The following EYS variants were observed in gnomAD, a reference collection of about 807,000 sequenced individuals.
The protein encoded by EYS is EGF-like photoreceptor maintenance factor.
Under a neutral mutation model 282.1 loss-of-function variants are expected in EYS, and 250 were observed. The observed-to-expected ratio is 0.89, with a 90% CI of 0.80 to 0.98. EYS has a LOEUF of 0.98. Ranked by LOEUF, EYS falls within the 50% of genes least tolerant of loss-of-function variation. The pLI is 0.00. For synonymous variants in EYS, 1,355 were observed against 1,282.9 expected (o/e 1.06, Z -1.20); for missense variants, 4,016 against 3,709.0 (o/e 1.08, Z -2.15).
chr6:64,588,874 T>C (rs1766312110), intron 26 of EYS, among the ~76,000 whole-genome samples: 3 of 151,868 alleles, frequency 2.0e-5, no homozygotes, highest in Non-Finnish European at 2.9e-5. Flanking sequence ...GATTAGGAGA[T>C]GTAGGTGAGG....
At chr6:65,457,413 C>T in intron 5 of EYS, among the ~76,000 whole-genome samples, 1 of 152,140 alleles carries the variant, frequency 6.6e-6, no homozygotes, top group Non-Finnish European at 1.5e-5. Context: ...AATCCTTCCA[C>T]CTCAGCCTTC....
At chr6:64,579,090 G>T (rs1464974295) in intron 26 of EYS, among the ~76,000 whole-genome samples, 1 of 152,078 alleles carries the variant, frequency 6.6e-6, no homozygotes, top group Admixed American at 6.6e-5. Flanking sequence ...CGCAGAATTA[G>T]GTATGTTGGT....
chr6:64,782,358 T>C (rs1376504456), intron 22 of EYS, among the ~76,000 whole-genome samples: 1 of 152,132 alleles, frequency 6.6e-6, no homozygotes, highest in Admixed American at 6.6e-5. Context: ...CCTGCAGAAA[T>C]AGTCAATACC....
intron 22 of EYS, among the ~76,000 whole-genome samples, chr6:64,714,615 T>C (rs1771321464): frequency 6.8e-6 from 1 of 146,192 alleles, no homozygotes; most frequent in African/African-American, 2.6e-5. Flanking sequence ...AAGCTCCGCC[T>C]CCCGGGTTCA....
intron 5 of EYS, among the ~76,000 whole-genome samples, chr6:65,485,514 G>T (rs1195669752): frequency 1.3e-5 from 2 of 152,204 alleles, no homozygotes; most frequent in Non-Finnish European, 2.9e-5. Context: ...GTTAAAAAAT[G>T]CCAGCTTTGG....
chr6:64,566,610 T>G (rs1371690413), intron 26 of EYS, among the ~76,000 whole-genome samples: 1 of 152,168 alleles, frequency 6.6e-6, no homozygotes, highest in East Asian at 1.9e-4. Flanking sequence ...TTATTTAAAT[T>G]GGCTATTTAC....
chr6:63,950,897 C>G (rs1765565599), intron 35 of EYS, among the ~76,000 whole-genome samples: 1 of 152,050 alleles, frequency 6.6e-6, no homozygotes, highest in Admixed American at 6.6e-5. Context: ...TCCGTGAACC[C>G]AAAACTCCGG....
At chr6:64,958,691 C>T (rs1024373903) in intron 14 of EYS, among the ~76,000 whole-genome samples, 22 of 136,640 alleles carry the variant, frequency 1.6e-4, no homozygotes, top group African/African-American at 5.8e-4. Flanking sequence ...GCGGAGATCG[C>T]GCCACAGCAC....
intron 31 of EYS, among the ~76,000 whole-genome samples, chr6:64,103,418 G>A (rs1332874539): frequency 6.6e-6 from 1 of 152,042 alleles, no homozygotes; most frequent in African/African-American, 2.4e-5. Flanking sequence ...ACTCTAACTG[G>A]GAAGTTAGTC....
intron 12 of EYS, among the ~76,000 whole-genome samples, chr6:65,290,948 G>A (rs1768508503): frequency 6.6e-6 from 1 of 151,226 alleles, no homozygotes; most frequent in Non-Finnish European, 1.5e-5. Context: ...AAAAAAATGG[G>A]TGTTTACTCT....
chr6:64,951,234 C>A (rs1380496786), intron 14 of EYS, among the ~76,000 whole-genome samples: 1 of 151,730 alleles, frequency 6.6e-6, no homozygotes, highest in Non-Finnish European at 1.5e-5. Context: ...TTAGGGCCAG[C>A]AATATCTTAC....
chr6:64,543,892 AC>A (rs1000534901), intron 26 of EYS, among the ~76,000 whole-genome samples: 18 of 152,294 alleles, frequency 1.2e-4, no homozygotes, highest in African/African-American at 4.3e-4. Flanking sequence ...ACAAAGAGAA[AC>A]TTGTAGGTTT....
At chr6:65,163,823 C>T (rs1473773393) in intron 12 of EYS, among the ~76,000 whole-genome samples, 1 of 151,190 alleles carries the variant, frequency 6.6e-6, no homozygotes, top group Admixed American at 6.6e-5. Context: ...CCCAGCCAGG[C>T]TCATTTGTTT....
intron 33 of EYS, among the ~76,000 whole-genome samples, chr6:64,011,684 G>A (rs987872078): frequency 2.0e-5 from 3 of 151,410 alleles, no homozygotes; most frequent in Admixed American, 6.6e-5. Flanking sequence ...GGTTATATGA[G>A]TTATTGGCAT....
At chr6:65,486,048 T>C (rs1765770896) in intron 5 of EYS, among the ~76,000 whole-genome samples, 1 of 152,206 alleles carries the variant, frequency 6.6e-6, no homozygotes, top group South Asian at 2.1e-4. Context: ...AATACACATT[T>C]TGTTAAGTAT....
At chr6:63,970,600 ACT>A (rs1274863128) in intron 35 of EYS, among the ~76,000 whole-genome samples, 3 of 149,348 alleles carry the variant, frequency 2.0e-5, no homozygotes, top group Non-Finnish European at 4.4e-5. Context: ...ACACCGCTGC[ACT>A]CCAGCCTGGG....
chr6:64,337,948 A>G (rs543622518), intron 29 of EYS, among the ~76,000 whole-genome samples: 94 of 151,984 alleles, frequency 6.2e-4, no homozygotes, highest in African/African-American at 2.2e-3. Context: ...GATTAAAACT[A>G]TCAGCAAAAT....
chr6:65,288,528 T>C (rs560763915), intron 12 of EYS, among the ~76,000 whole-genome samples: 15 of 150,932 alleles, frequency 9.9e-5, no homozygotes, highest in African/African-American at 3.4e-4. Flanking sequence ...TTAATTAAAA[T>C]TGACCTCCTA....
rs141730740 is a variant in EYS at position 65,116,282 on chromosome 6, C to T, written c.2024-58555G>A. On this transcript the variant is annotated intron_variant, in intron 12 of 42. Coordinates refer to ENST00000503581, the MANE Select transcript of EYS (RefSeq NM_001142800.2). ...AACCATAGCACCCTCCTCTTTTACC[C>T]ACCTACAATAAACAAAAGAAGTCAA... Among the ~76,000 whole-genome samples the T allele has an allele frequency of 1.9e-3, 287 of 152,196 alleles. 1 individual carries two copies. Among genetic ancestry groups the T allele is most frequent in the African/African-American group, 6.4e-3 (264 of 41,542 alleles).
Sources: allele counts gnomAD v4.1 joint callset (sites outside exome capture counted in the v4.1 genomes callset), GRCh38; gene constraint gnomAD v4.1.1; transcripts MANE v1.5; gene names NCBI Gene and HGNC (gene_info 2026-07-23, HGNC 2026-07-21).